Variants in BRINP3 observed in about 807,000 individuals in gnomAD.
BRINP3 encodes BMP/retinoic acid inducible neural specific 3, also known as BMP/retinoic acid-inducible neural-specific protein 3.
In BRINP3, 19 loss-of-function variants were observed where a neutral mutation model predicts 71.0. That is an observed-to-expected ratio of 0.27 (90% confidence interval 0.19 to 0.39). The LOEUF (loss-of-function observed/expected upper bound fraction) is 0.39, where lower values mean the gene tolerates loss of function less well. Among genes scored for constraint, BRINP3 ranks in the 10% least tolerant of loss-of-function variants. The probability of loss-of-function intolerance (pLI) is 1.00; values close to 1 mark genes in which losing one functional copy is unlikely to be tolerated. For missense variants in BRINP3, 959 were observed against 940.8 expected, an observed-to-expected ratio of 1.02 and a Z score of -0.25; for synonymous variants, 380 against 337.7, an observed-to-expected ratio of 1.13 and a Z score of -1.37.
chr1:190,406,933 T>C (rs1357090852), intron 2 of BRINP3, among the ~76,000 whole-genome samples: 1 of 152,170 alleles, frequency 6.6e-6, no homozygotes, highest in Non-Finnish European at 1.5e-5. Context: ...TTGGTCAAGC[T>C]AGATGCCATA....
At chr1:190,135,556 T>C (rs1170743426) in intron 7 of BRINP3, among the ~76,000 whole-genome samples, 1 of 152,110 alleles carries the variant, frequency 6.6e-6, no homozygotes, top group Non-Finnish European at 1.5e-5. Context: ...ATTGTGTACA[T>C]TTCATGTTCC....
At chr1:190,274,378 T>C (rs1662369175) in intron 3 of BRINP3, among the ~76,000 whole-genome samples, 1 of 151,530 alleles carries the variant, frequency 6.6e-6, no homozygotes, top group African/African-American at 2.4e-5. Context: ...AAAAAAATTA[T>C]GTGCATTTAT....
At chr1:190,187,306 T>G (rs1018144535) in intron 6 of BRINP3, among the ~76,000 whole-genome samples, 2 of 152,308 alleles carry the variant, frequency 1.3e-5, no homozygotes, top group East Asian at 3.9e-4. Context: ...AGTTGGCAAA[T>G]GTTTCTCTCC....
chr1:190,473,115 C>T (rs532586915), intron 1 of BRINP3, among the ~76,000 whole-genome samples: 39 of 151,784 alleles, frequency 2.6e-4, no homozygotes, highest in Non-Finnish European at 1.6e-4. Flanking sequence ...AATACCTTCT[C>T]CCACCACCAA....
intron 2 of BRINP3, among the ~76,000 whole-genome samples, chr1:190,402,541 G>A (rs11577349): frequency 0.2 from 30,394 of 151,804 alleles, 3,240 homozygotes; most frequent in African/African-American, 0.26. Context: ...TAAAACCACC[G>A]TGTCGATTCA....
At chr1:190,220,275 A>G (rs868011332) in intron 6 of BRINP3, among the ~76,000 whole-genome samples, 1 of 152,150 alleles carries the variant, frequency 6.6e-6, no homozygotes, top group Non-Finnish European at 1.5e-5. Context: ...CATCATTCTC[A>G]GCTAACTATC....
At chr1:190,267,751 T>C in intron 3 of BRINP3, among the ~76,000 whole-genome samples, 1 of 152,138 alleles carries the variant, frequency 6.6e-6, no homozygotes, top group Non-Finnish European at 1.5e-5. Context: ...ATAGAGCATT[T>C]ACTTAAAAAC....
chr1:190,360,659 T>C (rs1669081784), intron 2 of BRINP3, among the ~76,000 whole-genome samples: 1 of 152,118 alleles, frequency 6.6e-6, no homozygotes, highest in Admixed American at 6.6e-5. Context: ...GGGAAGTCAA[T>C]GGCATTGATT....
intron 6 of BRINP3, among the ~76,000 whole-genome samples, chr1:190,213,939 C>A (rs187459602): frequency 6.6e-6 from 1 of 151,954 alleles, no homozygotes; most frequent in Non-Finnish European, 1.5e-5. Context: ...ACGTGTGAGT[C>A]CCAGTGTTTG....
At chr1:190,341,195 A>G (rs531638098) in intron 2 of BRINP3, among the ~76,000 whole-genome samples, 1 of 151,970 alleles carries the variant, frequency 6.6e-6, no homozygotes, top group East Asian at 2.0e-4. Flanking sequence ...TGTTCTTCAC[A>G]TTGGTTAGTT....
intron 7 of BRINP3, among the ~76,000 whole-genome samples, chr1:190,109,719 T>C (rs969838602): frequency 3.3e-5 from 5 of 152,258 alleles, no homozygotes; most frequent in Non-Finnish European, 1.5e-5. Flanking sequence ...AACTCATTCA[T>C]ACTCTCTTCT....
chr1:190,099,707 A>C (rs1461178098), intron 7 of BRINP3, among the ~76,000 whole-genome samples: 2 of 152,202 alleles, frequency 1.3e-5, no homozygotes, highest in Admixed American at 6.5e-5. Flanking sequence ...TGTCATCAAC[A>C]TTGAAAGAAC....
chr1:190,241,748 T>C (rs1659121033), intron 4 of BRINP3, among the ~76,000 whole-genome samples: 1 of 151,904 alleles, frequency 6.6e-6, no homozygotes, highest in Non-Finnish European at 1.5e-5. Flanking sequence ...TGTTGATTAG[T>C]TTCTATTATT....
In BRINP3 at chr1:190,160,691, G is replaced by A. The variant is rs750410344; in HGVS notation, c.1161C>T (p.Pro387=). ...ACCTTTGTCTTGGCAGGCTGATGAG[G>A]GGTTGTTTATGACACCTCTTGCTAA... The part of the protein sequence containing the change: ...FSLSKRCHKQ[P]LISLPRQRTS... Residue 387 remains proline (P), a synonymous_variant, in exon 7 of 8, where the codon CCC becomes CCT. Coordinates refer to ENST00000367462, the MANE Select transcript of BRINP3 (RefSeq NM_199051.3). 1.9e-6 allele frequency: 3 copies of A among 1,613,066 alleles called. No individual in the cohort carries two copies. The highest frequency in any genetic ancestry group is 1.7e-5 in the Admixed American group (1 of 59,856).
At chr1:190,218,148 G>A (rs1656570155) in intron 6 of BRINP3, among the ~76,000 whole-genome samples, 1 of 151,450 alleles carries the variant, frequency 6.6e-6, no homozygotes. Flanking sequence ...CCTAGATAAA[G>A]AAATAATACA....
intron 6 of BRINP3, among the ~76,000 whole-genome samples, chr1:190,178,141 T>C (rs906643571): frequency 1.3e-5 from 2 of 152,176 alleles, no homozygotes; most frequent in African/African-American, 2.4e-5. Context: ...ATTTGTATCA[T>C]ATTTTCATTC....
intron 2 of BRINP3, among the ~76,000 whole-genome samples, chr1:190,408,170 C>T (rs1226208258): frequency 1.3e-4 from 19 of 149,622 alleles, no homozygotes; most frequent in Non-Finnish European, 1.6e-4. Context: ...TACAGGCGCC[C>T]GCCACCACGC....
chr1:190,443,293 T>A (rs1242678732), intron 2 of BRINP3, among the ~76,000 whole-genome samples: 1 of 151,152 alleles, frequency 6.6e-6, no homozygotes. Context: ...TAATCCCAGT[T>A]ACTCGGGAGG....
intron 7 of BRINP3, among the ~76,000 whole-genome samples, chr1:190,120,169 T>C (rs1412248502): frequency 6.6e-6 from 1 of 152,216 alleles, no homozygotes; most frequent in Non-Finnish European, 1.5e-5. Flanking sequence ...CTAGTGATTC[T>C]GAATTCAAAG....
Sources: gnomAD v4.1 joint callset for allele counts (sites outside exome capture counted in the v4.1 genomes callset) on GRCh38, gnomAD v4.1.1 for gene constraint, MANE v1.5 for transcripts, NCBI Gene and HGNC (gene_info 2026-07-23, HGNC 2026-07-21) for gene names.